The following RAD51 variants were observed in gnomAD, a reference collection of about 807,000 sequenced individuals.
RAD51 encodes RAD51 recombinase.
Under a neutral mutation model 41.5 loss-of-function variants are expected in RAD51, and 14 were observed. The ratio of observed to expected loss-of-function variants is 0.34; its 90% CI spans 0.22 to 0.53. The LOEUF is 0.53. Ranked by LOEUF, RAD51 falls within the 20% of genes least tolerant of loss-of-function variation. The pLI is 0.95. For synonymous variants in RAD51, 136 were observed against 148.6 expected (o/e 0.92, Z 0.62); for missense variants, 234 against 422.0 (o/e 0.55, Z 3.90).
At chr15:40,701,711 C>T (rs1331487845) in intron 3 of RAD51, 1 of 215,664 alleles carries the variant, frequency 4.6e-6, no homozygotes, top group Non-Finnish European at 9.4e-6. Flanking sequence ...CCTATTTCTT[C>T]AGTGTTTATA....
chr15:40,711,813 A>G (rs1334860771), intron 5 of RAD51, among the ~76,000 whole-genome samples: 1 of 152,090 alleles, frequency 6.6e-6, no homozygotes, highest in African/African-American at 2.4e-5. Flanking sequence ...GATAGCTCAC[A>G]CCTGTAATCC....
intron 2 of RAD51, among the ~76,000 whole-genome samples, chr15:40,699,847 T>C (rs1168251100): frequency 6.6e-6 from 1 of 152,176 alleles, no homozygotes; most frequent in African/African-American, 2.4e-5. Flanking sequence ...GAGACTGCCC[T>C]GTGAGTGCAG....
At chr15:40,707,268 A>T (rs1398693457) in intron 4 of RAD51, among the ~76,000 whole-genome samples, 3 of 127,694 alleles carry the variant, frequency 2.3e-5, no homozygotes, top group Admixed American at 8.9e-5. Flanking sequence ...AAGTGCTGGG[A>T]TTATAGGCTT....
chr15:40,702,518 T>C (rs566913191), intron 3 of RAD51, among the ~76,000 whole-genome samples: 4 of 152,320 alleles, frequency 2.6e-5, no homozygotes, highest in African/African-American at 9.6e-5. Context: ...TTGTTTGTTT[T>C]CTGTTTTTTT....
chr15:40,731,058 G>T lies in RAD51; in HGVS notation c.900G>T (p.Leu300Phe). The change falls in exon 10 of 10, where the codon TTG becomes TTT. Residue 300 changes from leucine to phenylalanine, a missense_variant. Around this residue, in one of 2 missense-constraint regions of RAD51, gnomAD observed 134 missense variants for 286.5 expected, o/e 0.47. Transcript: ENST00000267868. ...TTGGTCTGTGTCTTTGGGTCAGATT[G>T]TATCTGAGGAAAGGAAGAGGGGAAA... ...NIIAHASTTR[L>F]YLRKGRGETR... is the part of the protein sequence containing the mutation. 1 of 1,614,002 alleles carries T rather than the reference G, an allele frequency of 6.2e-7. No individual in the cohort carries two copies. Among genetic ancestry groups the T allele is most frequent in the Non-Finnish European group, 8.5e-7 (1 of 1,179,938 alleles).
chr15:40,700,939 G>T, intron 2 of RAD51, 125 bp from the exon 3 acceptor site: 5 of 713,512 alleles, frequency 7.0e-6, no homozygotes, highest in Non-Finnish European at 1.1e-5. Flanking sequence ...GCCCCCCCAA[G>T]GATTTCAAGG....
At chr15:40,724,663 T>C (rs965058517) in intron 6 of RAD51, among the ~76,000 whole-genome samples, 2 of 135,256 alleles carry the variant, frequency 1.5e-5, no homozygotes, top group Non-Finnish European at 3.2e-5. Flanking sequence ...GCCCAGCTAA[T>C]TTTTTTATTT....
intron 1 of RAD51, among the ~76,000 whole-genome samples, chr15:40,696,208 A>T (rs1484092147): frequency 6.6e-6 from 1 of 151,888 alleles, no homozygotes; most frequent in Non-Finnish European, 1.5e-5. Flanking sequence ...TTTGTTTTTA[A>T]CTTCTAAAGC....
intron 1 of RAD51, among the ~76,000 whole-genome samples, chr15:40,696,327 C>G (rs1206377307): frequency 6.6e-6 from 1 of 151,920 alleles, no homozygotes; most frequent in East Asian, 1.9e-4. Context: ...GTAGTCCCAG[C>G]ACTTTGGGAA....
intron 5 of RAD51, among the ~76,000 whole-genome samples, chr15:40,709,416 G>A (rs987933535): frequency 2.3e-5 from 3 of 128,282 alleles, no homozygotes; most frequent in Non-Finnish European, 3.1e-5. Flanking sequence ...TCGCTGTGTC[G>A]CCCAGGCTGA....
intron 6 of RAD51, among the ~76,000 whole-genome samples, chr15:40,723,194 A>T (rs1275630900): frequency 6.6e-6 from 1 of 152,168 alleles, no homozygotes; most frequent in Non-Finnish European, 1.5e-5. Context: ...AATAAAAAAG[A>T]TGGTAACAAA....
chr15:40,721,765 A>C (rs528049937), intron 6 of RAD51, among the ~76,000 whole-genome samples: 1 of 152,232 alleles, frequency 6.6e-6, no homozygotes, highest in South Asian at 2.1e-4. Context: ...ATTAAAATAG[A>C]TAACAGTGTG....
At chr15:40,702,628 G>T (rs558700168) in intron 3 of RAD51, among the ~76,000 whole-genome samples, 1 of 151,542 alleles carries the variant, frequency 6.6e-6, no homozygotes, top group African/African-American at 2.4e-5. Context: ...AGTGATTGTC[G>T]TGCCTCAGCC....
chr15:40,712,790 G>T (rs1283587529), intron 5 of RAD51, among the ~76,000 whole-genome samples: 1 of 151,508 alleles, frequency 6.6e-6, no homozygotes, highest in African/African-American at 2.4e-5. Context: ...AACAAAATCT[G>T]CCTTATATCA....
chr15:40,697,951 T>G (rs1889412076), intron 1 of RAD51, among the ~76,000 whole-genome samples: 2 of 152,222 alleles, frequency 1.3e-5, no homozygotes. Context: ...CATTTCTCTT[T>G]GTGATGAGAA....
In RAD51 at chr15:40,729,515, C is replaced by T. The variant is rs2141882131; in HGVS notation, c.655C>T (p.Leu219Phe). The T allele has an allele frequency of 5.6e-6, 9 of 1,613,514 alleles. No homozygotes were observed. Among genetic ancestry groups the T allele is most frequent in the Non-Finnish European group, 6.8e-6 (8 of 1,179,726 alleles). The stretch of plus-strand genomic sequence containing the variant: ...CCTTGTTTCCTGTAGGTATGCACTG[C>T]TTATTGTAGACAGTGCCACCGCCCT... ...AMMVESRYAL[L>F]IVDSATALYR... The change falls in exon 8 of 10, where the codon CTT becomes TTT. Residue 219 changes from leucine (L) to phenylalanine (F), a missense_variant. Leu to Phe is a conservative substitution (Grantham distance 22). Around this residue, in one of 2 missense-constraint regions of RAD51, gnomAD observed 134 missense variants for 286.5 expected, o/e 0.47. Transcript: ENST00000267868.
At chr15:40,706,615 T>C (rs1237646663) in intron 4 of RAD51, among the ~76,000 whole-genome samples, 1 of 152,080 alleles carries the variant, frequency 6.6e-6, no homozygotes, top group Admixed American at 6.6e-5. Context: ...GGCAGGAGAA[T>C]CACTTGAACC....
chr15:40,714,994 C>T (rs761877396), intron 5 of RAD51, among the ~76,000 whole-genome samples: 31 of 151,920 alleles, frequency 2.0e-4, no homozygotes, highest in Non-Finnish European at 3.2e-4. Flanking sequence ...GGGAATATGG[C>T]GAGATCCCAT....
Position 40,708,206 on chromosome 15 carries a change from C to A in RAD51, c.344-819C>A, listed in dbSNP as rs540663963. Among the ~76,000 whole-genome samples, 580 of 148,014 alleles carry A rather than the reference C, an allele frequency of 3.9e-3. 3 individuals are homozygous for A. The highest frequency in any genetic ancestry group is 5.5e-3 in the Non-Finnish European group (371 of 67,192). On this transcript the variant is annotated intron_variant, in intron 4 of 9. Coordinates refer to ENST00000267868, the MANE Select transcript of RAD51 (RefSeq NM_002875.5). ...CTAATTTTTGTATTTTTAGTAGAGA[C>A]AGGGTTTCACCATATTGTGCCCAGC...
Sources: allele counts gnomAD v4.1 joint callset (sites outside exome capture counted in the v4.1 genomes callset), GRCh38; gene constraint gnomAD v4.1.1; regional missense constraint gnomAD v4.1.1; transcripts MANE v1.5; gene names NCBI Gene and HGNC (gene_info 2026-07-23, HGNC 2026-07-21).